The following TANC1 variants were observed in gnomAD, a reference collection of about 807,000 sequenced individuals.
TANC1 encodes the protein protein TANC1.
In TANC1, 77 loss-of-function variants were observed where a neutral mutation model predicts 149.7. The observed-to-expected ratio is 0.51, with a 90% confidence interval of 0.43 to 0.62. The LOEUF (loss-of-function observed/expected upper bound fraction) is 0.62. TANC1 is among the 20% of genes least tolerant of loss of function. The pLI is 0.00. For missense variants in TANC1, 1,985 were observed against 2,321.8 expected, an observed-to-expected ratio of 0.85 and a Z score of 2.98; for synonymous variants, 854 against 925.0, an observed-to-expected ratio of 0.92 and a Z score of 1.39.
At chr2:159,008,218 A>C (rs960954168) in intron 2 of TANC1, among the ~76,000 whole-genome samples, 2 of 152,228 alleles carry the variant, frequency 1.3e-5, no homozygotes, top group African/African-American at 4.8e-5. Flanking sequence ...CAAACTATGC[A>C]AGCATTACTT....
At chr2:159,113,968 A>C (rs2047996414) in intron 4 of TANC1, among the ~76,000 whole-genome samples, 1 of 152,222 alleles carries the variant, frequency 6.6e-6, no homozygotes, top group Non-Finnish European at 1.5e-5. Flanking sequence ...TCTGTGGATG[A>C]GCTGACCCAT....
chr2:158,996,373 C>G (rs941753297), intron 1 of TANC1, among the ~76,000 whole-genome samples: 2 of 152,196 alleles, frequency 1.3e-5, no homozygotes, highest in Admixed American at 6.5e-5. Context: ...AAAAACAAAA[C>G]TTGGTATATG....
chr2:158,997,029 T>C (rs1340998773), intron 1 of TANC1, among the ~76,000 whole-genome samples: 2 of 150,858 alleles, frequency 1.3e-5, no homozygotes, highest in Admixed American at 1.3e-4. Flanking sequence ...GGGAAAAGAA[T>C]CTACCTGCTT....
intron 24 of TANC1, chr2:159,227,196 A>G (rs1164645817): frequency 1.3e-5 from 2 of 152,136 alleles, no homozygotes; most frequent in African/African-American, 2.4e-5. Flanking sequence ...AAGTGCTTTT[A>G]ATATGGATTG....
chr2:159,204,572 C>G (rs1225605914), intron 19 of TANC1, among the ~76,000 whole-genome samples: 1 of 152,146 alleles, frequency 6.6e-6, no homozygotes, highest in Non-Finnish European at 1.5e-5. Context: ...GTCGTGGTCA[C>G]CTCCTCAGAG....
At chr2:159,198,495 C>T (rs1195933419) in intron 18 of TANC1, among the ~76,000 whole-genome samples, 5 of 152,306 alleles carry the variant, frequency 3.3e-5, no homozygotes, top group East Asian at 3.9e-4. Context: ...TGACTTGACC[C>T]GCCCTTTGAC....
intron 4 of TANC1, among the ~76,000 whole-genome samples, chr2:159,128,691 A>T (rs1022811425): frequency 6.6e-6 from 1 of 152,160 alleles, no homozygotes; most frequent in Non-Finnish European, 1.5e-5. Context: ...GACTCCCTTT[A>T]TCCCACAGGC....
At chr2:159,052,059 G>A (rs1342206372) in intron 2 of TANC1, among the ~76,000 whole-genome samples, 1 of 152,172 alleles carries the variant, frequency 6.6e-6, no homozygotes, top group African/African-American at 2.4e-5. Context: ...GAGAGGCCAA[G>A]CCTTGGGTAC....
At chr2:159,048,222 G>A (rs941118245) in intron 2 of TANC1, among the ~76,000 whole-genome samples, 2 of 152,162 alleles carry the variant, frequency 1.3e-5, no homozygotes, top group Non-Finnish European at 2.9e-5. Flanking sequence ...CCACAGCACT[G>A]TTGTAGATAT....
At chr2:159,076,226 A>G (rs1259990068) in intron 3 of TANC1, among the ~76,000 whole-genome samples, 3 of 152,264 alleles carry the variant, frequency 2.0e-5, no homozygotes, top group Non-Finnish European at 2.9e-5. Context: ...AATTTTCTAT[A>G]TGACTTATCC....
At position 159,029,871 on chromosome 2, in the gene TANC1, G is replaced by A. The variant is rs117634557; in HGVS notation, c.-16+28682G>A. ...CCACCATGCCTGTATTTTTAACATA[G>A]CGATATGGGGTCTTGCCATCTTGTC... On this transcript the variant is annotated intron_variant, in intron 2 of 26. Transcript: ENST00000263635. Among the ~76,000 whole-genome samples the A allele has an allele frequency of 1.8e-4, 27 of 152,080 alleles. No individual in the cohort carries two copies. In the East Asian group the frequency reaches 4.6e-3, roughly 26 times the overall value.
In TANC1 at chr2:159,230,882, T is replaced by C; in HGVS notation, c.5456T>C (p.Ile1819Thr). Reference sequence around the variant, plus strand: ...CCAGTCCACTCTCAAGAGAACAGGATAACTAAGACTGTTTCTCATCTGTAC... The same window carrying C: ...CCAGTCCACTCTCAAGAGAACAGGACAACTAAGACTGTTTCTCATCTGTAC... Reference protein sequence around the residue: ...QIPVHSQENRITKTVSHLYQE... With the variant: ...QIPVHSQENRTTKTVSHLYQE... Residue 1819 changes from isoleucine (I) to threonine (T), a missense_variant, in exon 27 of 27, where the codon ATA (isoleucine) becomes ACA (threonine). Physicochemically the swap from Ile to Thr is moderately conservative, Grantham distance 89 (BLOSUM62 -1). This residue lies in a region of TANC1 where 920 missense variants were observed against 994.7 expected (regional missense o/e 0.92). Coordinates refer to ENST00000263635, the MANE Select transcript of TANC1 (RefSeq NM_033394.3). This position sits in a 1 kb window ranked among gnomAD's most constrained non-coding sequence, Gnocchi z 4.4. 6.2e-7 allele frequency: 1 copy of C among 1,614,158 alleles called. No individual in the cohort carries two copies. Among genetic ancestry groups the C allele is most frequent in the Non-Finnish European group, 8.5e-7 (1 of 1,180,026 alleles).
chr2:159,062,817 A>G (rs898175633), intron 2 of TANC1, among the ~76,000 whole-genome samples: 2 of 149,354 alleles, frequency 1.3e-5, no homozygotes, highest in African/African-American at 4.9e-5. Context: ...AATACAAAAA[A>G]TTAGCCGGGC....
At chr2:159,105,256 A>C (rs1171552604) in intron 4 of TANC1, among the ~76,000 whole-genome samples, 2 of 151,952 alleles carry the variant, frequency 1.3e-5, no homozygotes, top group Non-Finnish European at 2.9e-5. Flanking sequence ...GGCCTCCCAG[A>C]GTGCTGGGAT....
intron 19 of TANC1, among the ~76,000 whole-genome samples, chr2:159,216,848 G>T (rs7574826): frequency 0.19 from 29,055 of 151,992 alleles, 4,120 homozygotes; most frequent in East Asian, 0.48. Flanking sequence ...GGGGAGTGAC[G>T]TGCACTCTAG....
intron 3 of TANC1, among the ~76,000 whole-genome samples, chr2:159,094,353 C>G (rs264631): frequency 0.14 from 21,400 of 152,178 alleles, 2,806 homozygotes; most frequent in African/African-American, 0.34. Flanking sequence ...TCAGTGCTTT[C>G]CAAGTTCTGA....
At chr2:159,137,023 CCT>C (rs1364110865) in intron 5 of TANC1, among the ~76,000 whole-genome samples, 1 of 152,108 alleles carries the variant, frequency 6.6e-6, no homozygotes, top group African/African-American at 2.4e-5. Context: ...GAATTTCCAC[CCT>C]GTTTTTCTGC....
At chr2:159,018,282 A>T (rs2038474577) in intron 2 of TANC1, among the ~76,000 whole-genome samples, 1 of 152,182 alleles carries the variant, frequency 6.6e-6, no homozygotes, top group Non-Finnish European at 1.5e-5. Context: ...TCGAAAAGGA[A>T]GCCCACTGTT....
At chr2:159,173,368 C>T (rs2055465534) in intron 11 of TANC1, among the ~76,000 whole-genome samples, 3 of 152,144 alleles carry the variant, frequency 2.0e-5, no homozygotes, top group South Asian at 4.1e-4. Context: ...TTTGGGAGGC[C>T]GAGGCGTACA....
Sources: allele counts gnomAD v4.1 joint callset (sites outside exome capture counted in the v4.1 genomes callset), GRCh38; gene constraint gnomAD v4.1.1; regional missense constraint gnomAD v4.1.1; non-coding constraint Gnocchi (gnomAD v3.1); transcripts MANE v1.5; gene names NCBI Gene and HGNC (gene_info 2026-07-23, HGNC 2026-07-21).